Variants in ANKRD44 observed in about 807,000 individuals in gnomAD.
ANKRD44 encodes serine/threonine-protein phosphatase 6 regulatory ankyrin repeat subunit B.
ANKRD44 carries 35 observed loss-of-function variants against 116.0 expected under a neutral mutation model. The ratio of observed to expected loss-of-function variants is 0.30; its 90% CI spans 0.23 to 0.40. The LOEUF (loss-of-function observed/expected upper bound fraction) is 0.40, where lower values mean the gene tolerates loss of function less well. Among genes scored for constraint, ANKRD44 ranks in the 10% least tolerant of loss-of-function variants. The pLI is 1.00. For synonymous variants in ANKRD44, 435 were observed against 461.8 expected (o/e 0.94, Z 0.74); for missense variants, 1,014 against 1,242.6 (o/e 0.82, Z 2.77).
At chr2:197,102,747 T>C (rs993069813) in intron 9 of ANKRD44, among the ~76,000 whole-genome samples, 3 of 152,152 alleles carry the variant, frequency 2.0e-5, no homozygotes, top group Admixed American at 1.3e-4. Flanking sequence ...GAAATAGAAA[T>C]ATGTGAATGG....
At position 197,212,496 on chromosome 2, in the gene ANKRD44, G is replaced by A. The variant is rs1010968874; in HGVS notation, c.28-25390C>T. Among the ~76,000 whole-genome samples, 2 of 152,144 alleles carry A rather than the reference G, an allele frequency of 1.3e-5. No individual in the cohort carries two copies. The highest frequency in any genetic ancestry group is 2.1e-4 in the South Asian group (1 of 4,820). On this transcript the variant is annotated intron_variant, in intron 1 of 27. Coordinates refer to ENST00000282272, the MANE Select transcript of ANKRD44 (RefSeq NM_001195144.2). The surrounding 1 kb of genome is among the most constrained non-coding windows in gnomAD (Gnocchi z 4.8). ...ATAAGTTTTAGAAGGGCAGGGATTC[G>A]GTCACTGTGGTCACCACTATATCCC... is the stretch of plus-strand genomic sequence containing the variant.
At position 197,125,859 on chromosome 2, in the gene ANKRD44, G is replaced by T. The variant is rs764702362; in HGVS notation, c.440C>A (p.Ala147Glu). 4 of 1,614,090 alleles carry T rather than the reference G, an allele frequency of 2.5e-6. No individual in the cohort carries two copies. Among genetic ancestry groups the T allele is most frequent in the East Asian group, 2.2e-5 (1 of 44,884 alleles). The change falls in exon 5 of 28, where the codon GCG becomes GAG. Residue 147 changes from alanine to glutamate, a missense_variant. By Grantham distance (107) the Ala-to-Glu change is moderately radical. Transcript: ENST00000282272. Reference protein sequence around the residue: ...DRGGRTALHHAALNGHVEMVN... With the variant: ...DRGGRTALHHEALNGHVEMVN... ...CACCTCCACGTGGCCGTTCAGAGCC[G>T]CATGGTGCAAGGCTGTGCGCCCCCC...
At chr2:197,085,658 T>A (rs1201358347) in intron 13 of ANKRD44, among the ~76,000 whole-genome samples, 1 of 152,022 alleles carries the variant, frequency 6.6e-6, no homozygotes, top group Non-Finnish European at 1.5e-5. Flanking sequence ...GAAGTTACCC[T>A]ATATGGTCTA....
intron 21 of ANKRD44, among the ~76,000 whole-genome samples, chr2:196,969,819 TA>T (rs2075702724): frequency 6.6e-6 from 1 of 152,240 alleles, no homozygotes; most frequent in African/African-American, 2.4e-5. Context: ...GAACCAGCTC[TA>T]AGCTCCGCAG....
At chr2:197,037,467 T>C (rs2076829348) in intron 16 of ANKRD44, among the ~76,000 whole-genome samples, 1 of 152,198 alleles carries the variant, frequency 6.6e-6, no homozygotes, top group African/African-American at 2.4e-5. Flanking sequence ...ACCCATACTA[T>C]GTAGTAGGCA....
At chr2:197,208,446 G>C (rs1418658815) in intron 1 of ANKRD44, among the ~76,000 whole-genome samples, 1 of 152,160 alleles carries the variant, frequency 6.6e-6, no homozygotes, top group Admixed American at 6.5e-5. Context: ...CAGTGAGAGA[G>C]GTAAGTGGGC....
chr2:197,016,750 A>G (rs1340875772), intron 17 of ANKRD44, among the ~76,000 whole-genome samples: 2 of 152,154 alleles, frequency 1.3e-5, no homozygotes, highest in African/African-American at 2.4e-5. Flanking sequence ...TCACAAAAAA[A>G]AGAAAAGAAA....
At chr2:197,213,457 T>C (rs1424440248) in intron 1 of ANKRD44, among the ~76,000 whole-genome samples, 1 of 152,228 alleles carries the variant, frequency 6.6e-6, no homozygotes, top group Non-Finnish European at 1.5e-5. Context: ...AAGATCTCTA[T>C]GAAACATATT....
chr2:197,076,823 A>C (rs2077679037), intron 16 of ANKRD44, among the ~76,000 whole-genome samples: 1 of 152,140 alleles, frequency 6.6e-6, no homozygotes, highest in Non-Finnish European at 1.5e-5. Flanking sequence ...TGTTCCTACA[A>C]AGGACATGAT....
intron 2 of ANKRD44, among the ~76,000 whole-genome samples, chr2:197,149,884 G>A (rs2079599027): frequency 6.6e-6 from 1 of 152,148 alleles, no homozygotes; most frequent in Non-Finnish European, 1.5e-5. Context: ...TAATGGAATA[G>A]GAGATGGAAT....
At chr2:197,278,667 A>AGATGGAGGCTCTTTACACCCAT (rs1303669810) in intron 1 of ANKRD44, among the ~76,000 whole-genome samples, 3 of 152,194 alleles carry the variant, frequency 2.0e-5, no homozygotes. Context: ...ACAAAGGTAA[A>AGATGGAGGCTCTTTACACCCAT]GATGGAGGCT....
intron 1 of ANKRD44, among the ~76,000 whole-genome samples, chr2:197,238,690 T>A (rs1366413438): frequency 2.0e-5 from 3 of 152,058 alleles, no homozygotes; most frequent in Non-Finnish European, 2.9e-5. Context: ...AGGACCCAGG[T>A]TCCATCTATC....
At chr2:197,046,086 A>G (rs1477763209) in intron 16 of ANKRD44, among the ~76,000 whole-genome samples, 1 of 152,164 alleles carries the variant, frequency 6.6e-6, no homozygotes, top group East Asian at 1.9e-4. Context: ...CATCTACTAA[A>G]TATTCTTTTG....
At chr2:197,208,975 T>A (rs1366550126) in intron 1 of ANKRD44, among the ~76,000 whole-genome samples, 1 of 152,180 alleles carries the variant, frequency 6.6e-6, no homozygotes, top group Non-Finnish European at 1.5e-5. Flanking sequence ...CATTAGGCTA[T>A]CTGGAAAATA....
At chr2:197,138,130 C>G (rs756571896) in intron 3 of ANKRD44, among the ~76,000 whole-genome samples, 14 of 152,292 alleles carry the variant, frequency 9.2e-5, no homozygotes, top group Non-Finnish European at 1.9e-4. Flanking sequence ...ACTTCTCTAC[C>G]CATTTCACCA....
At chr2:197,258,871 A>G (rs1415231900) in intron 1 of ANKRD44, among the ~76,000 whole-genome samples, 1 of 152,234 alleles carries the variant, frequency 6.6e-6, no homozygotes, top group Non-Finnish European at 1.5e-5. Context: ...TGGTGTTGCA[A>G]AATGTGTCTT....
intron 12 of ANKRD44, 99 bp from the exon 13 acceptor site, chr2:197,086,847 A>G: frequency 9.5e-7 from 1 of 1,050,512 alleles, no homozygotes. Flanking sequence ...CCAGATGAAA[A>G]GATAGCTCCT....
intron 1 of ANKRD44, among the ~76,000 whole-genome samples, chr2:197,237,621 T>C (rs770121330): frequency 6.6e-6 from 1 of 152,190 alleles, no homozygotes; most frequent in Non-Finnish European, 1.5e-5. Context: ...ACAGCTAATA[T>C]ACAACATGTA....
intron 1 of ANKRD44, among the ~76,000 whole-genome samples, chr2:197,273,448 T>G (rs996618242): frequency 2.6e-5 from 4 of 152,224 alleles, no homozygotes; most frequent in African/African-American, 9.7e-5. Flanking sequence ...TCATTCCCAT[T>G]TGATGTGCTA....
Sources: gnomAD v4.1 joint callset for allele counts (sites outside exome capture counted in the v4.1 genomes callset) on GRCh38, gnomAD v4.1.1 for gene constraint, Gnocchi (gnomAD v3.1) non-coding constraint, MANE v1.5 for transcripts, NCBI Gene and HGNC (gene_info 2026-07-23, HGNC 2026-07-21) for gene names.